Variants in CRB1 observed in about 807,000 individuals in gnomAD.
CRB1 encodes the protein protein crumbs homolog 1.
In CRB1, 83 loss-of-function variants were observed where a neutral mutation model predicts 120.0. The observed-to-expected ratio is 0.69, with a 90% CI of 0.58 to 0.83. The LOEUF (loss-of-function observed/expected upper bound fraction) is 0.83, where lower values mean the gene tolerates loss of function less well. Among genes scored for constraint, CRB1 ranks in the 40% least tolerant of loss-of-function variants. The probability of loss-of-function intolerance (pLI) is 0.00; values close to 1 mark genes in which losing one functional copy is unlikely to be tolerated. For missense variants in CRB1, 1,699 were observed against 1,687.6 expected, an observed-to-expected ratio of 1.01 and a Z score of -0.12; for synonymous variants, 625 against 612.5, an observed-to-expected ratio of 1.02 and a Z score of -0.30.
At chr1:197,457,936 G>GT (rs2125542823) in intron 11 of CRB1, among the ~76,000 whole-genome samples, 1 of 152,210 alleles carries the variant, frequency 6.6e-6, no homozygotes, top group South Asian at 2.1e-4. Flanking sequence ...TATTGATAGT[G>GT]TAAGTGCCAC....
chr1:197,453,851 A>G (rs1244750958), intron 11 of CRB1, among the ~76,000 whole-genome samples: 1 of 142,026 alleles, frequency 7.0e-6, no homozygotes, highest in African/African-American at 2.6e-5. Context: ...CAATATTATT[A>G]TTAATATATA....
At chr1:197,344,617 C>T in intron 3 of CRB1, 141 bp downstream of exon 3, 1 of 758,752 alleles carries the variant, frequency 1.3e-6, no homozygotes. Context: ...TGAAAACATT[C>T]AGATTTCACT....
chr1:197,272,354 G>A (rs1654954199), intron 1 of CRB1, among the ~76,000 whole-genome samples: 2 of 152,108 alleles, frequency 1.3e-5, no homozygotes. Flanking sequence ...ACTACTCCAT[G>A]AAAGTTACCC....
chr1:197,362,200 A>G (rs993801704), intron 5 of CRB1, among the ~76,000 whole-genome samples: 7 of 152,098 alleles, frequency 4.6e-5, no homozygotes, highest in Non-Finnish European at 1.0e-4. Context: ...TGATTAGAGA[A>G]CACATTCTGT....
chr1:197,209,361 T>TTTTC, the CRB1 span, among the ~76,000 whole-genome samples: 1 of 152,044 alleles, frequency 6.6e-6, no homozygotes, highest in African/African-American at 2.4e-5. Flanking sequence ...TTTTGTTTTT[T>TTTTC]TGAGATGGAG....
chr1:197,449,395 C>G (rs1252886793), intron 11 of CRB1, among the ~76,000 whole-genome samples: 1 of 152,158 alleles, frequency 6.6e-6, no homozygotes, highest in Admixed American at 6.5e-5. Context: ...GAGATGGAGT[C>G]TCGCACTGTC....
the CRB1 span, among the ~76,000 whole-genome samples, chr1:197,211,515 C>T: frequency 6.6e-6 from 1 of 152,154 alleles, no homozygotes; most frequent in Non-Finnish European, 1.5e-5. Context: ...GAGGTGAATA[C>T]ACCACATGAA....
chr1:197,391,852 G>A (rs1396547665), intron 5 of CRB1, among the ~76,000 whole-genome samples: 1 of 152,046 alleles, frequency 6.6e-6, no homozygotes, highest in African/African-American at 2.4e-5. Flanking sequence ...GTAATATACA[G>A]CAGGGTGACA....
At chr1:197,228,930 CAT>C in the CRB1 span, among the ~76,000 whole-genome samples, 17 of 152,082 alleles carry the variant, frequency 1.1e-4, no homozygotes, top group Non-Finnish European at 1.5e-4. Flanking sequence ...CTGATAAAAC[CAT>C]CAGATCTTGT....
Position 197,435,314 on chromosome 1 carries a change from G to T in CRB1, c.3451G>T (p.Gly1151Ter), listed in dbSNP as rs1558138741. 1 of 1,613,790 alleles carries T rather than the reference G, an allele frequency of 6.2e-7. No individual in the cohort carries two copies. Among genetic ancestry groups the T allele is most frequent in the Admixed American group, 1.7e-5 (1 of 59,940 alleles). ...NVCNSNPCLH[G>*]GNCEDIYSSY... ...CTGCAACTCCAACCCCTGTTTGCAT[G>T]GAGGAAACTGTGAAGACATCTATAG... is the stretch of plus-strand genomic sequence containing the variant. The change falls in exon 9 of 12, where the codon GGA becomes TGA. Residue 1151 changes from glycine (G) to a stop codon, truncating the protein, a stop_gained. Coordinates refer to ENST00000367400, the MANE Select transcript of CRB1 (RefSeq NM_201253.3). LOFTEE classifies it high-confidence loss of function.
intron 1 of CRB1, among the ~76,000 whole-genome samples, chr1:197,292,472 C>G (rs931418751): frequency 6.6e-6 from 1 of 152,030 alleles, no homozygotes; most frequent in East Asian, 1.9e-4. Flanking sequence ...CCGAATTCTA[C>G]CAGAGGTACA....
chr1:197,231,608 G>A, the CRB1 span, among the ~76,000 whole-genome samples: 3 of 152,168 alleles, frequency 2.0e-5, no homozygotes, highest in East Asian at 1.9e-4. Context: ...CACAATAAGC[G>A]ATGTAGAAAA....
the CRB1 span, among the ~76,000 whole-genome samples, chr1:197,218,010 A>T: frequency 3.3e-5 from 5 of 152,200 alleles, no homozygotes; most frequent in Non-Finnish European, 2.9e-5. Context: ...TAGTGGGGTG[A>T]TGTAAGATTT....
At chr1:197,209,377 C>G in the CRB1 span, among the ~76,000 whole-genome samples, 2 of 152,066 alleles carry the variant, frequency 1.3e-5, no homozygotes, top group South Asian at 4.1e-4. Flanking sequence ...TGGAGTCTCG[C>G]TCTGTTGCCC....
chr1:197,344,346 C>G lies in CRB1; in HGVS notation c.718C>G (p.Gln240Glu). 6.2e-7 allele frequency: 1 copy of G among 1,614,102 alleles called. No homozygotes were observed. Among genetic ancestry groups the G allele is most frequent in the Non-Finnish European group, 8.5e-7 (1 of 1,180,004 alleles). The stretch of plus-strand genomic sequence containing the variant: ...GCCTTGTTTAAATGGTGCAACTTGT[C>G]AGGATGCTCTGGGGGCCTATTTCTG... ...SQPCLNGATCQDALGAYFCDC... is the reference protein window; with the variant it reads ...SQPCLNGATCEDALGAYFCDC... Residue 240 changes from glutamine to glutamate, a missense_variant, in exon 3 of 12, where the codon CAG becomes GAG. Physicochemically the swap from Gln to Glu is conservative, Grantham distance 29. Transcript: ENST00000367400.
Position 197,344,633 on chromosome 1 carries a change from G to C in CRB1, c.848+157G>C, listed in dbSNP as rs566575925. Reference sequence around the variant, plus strand: ...GAAAACATTCAGATTTCACTAAAAAGGGTATTCTTGGAGACCATCTGTCTC... The same window carrying C: ...GAAAACATTCAGATTTCACTAAAAACGGTATTCTTGGAGACCATCTGTCTC... On this transcript the variant is annotated intron_variant, in intron 3 of 11. Transcript: ENST00000367400. Among the ~76,000 whole-genome samples the C allele has an allele frequency of 3.9e-5, 6 of 152,270 alleles. No homozygotes were observed. The South Asian group carries it at 1.2e-3, about 32-fold the overall frequency.
At position 197,442,202 on chromosome 1, in the gene CRB1, G is replaced by C. The variant is rs541488801; in HGVS notation, c.3915G>C (p.Pro1305=). 1.9e-6 allele frequency: 3 copies of C among 1,613,798 alleles called. No individual in the cohort carries two copies. Among genetic ancestry groups the C allele is most frequent in the Middle Eastern group, 1.6e-4 (1 of 6,062 alleles). Residue 1305 remains proline, a synonymous_variant, in exon 11 of 12, where the codon CCG becomes CCC. Coordinates refer to ENST00000367400, the MANE Select transcript of CRB1 (RefSeq NM_201253.3). Reference sequence around the variant, plus strand: ...ACATTGATGAGTGTGCCTCTGATCCGTGTGTCAATGGAGGTCTGTGCCAGG... The same window carrying C: ...ACATTGATGAGTGTGCCTCTGATCCCTGTGTCAATGGAGGTCTGTGCCAGG... The part of the protein sequence containing the change: ...EKDIDECASD[P]CVNGGLCQDL...
At chr1:197,275,263 G>T (rs375106370) in intron 1 of CRB1, among the ~76,000 whole-genome samples, 3 of 151,966 alleles carry the variant, frequency 2.0e-5, no homozygotes, top group South Asian at 2.1e-4. Context: ...GGTACTGAGG[G>T]TTAGGACTCT....
At position 197,298,065 on chromosome 1, in the gene CRB1, G is replaced by A. The variant is rs555952971; in HGVS notation, c.70+29583G>A. Among the ~76,000 whole-genome samples, 3 of 152,150 alleles carry A rather than the reference G, an allele frequency of 2.0e-5. No homozygotes were observed. In the East Asian group the frequency reaches 5.8e-4, roughly 30 times the overall value. ...TAAAGAGGGGAAGGCAGATACTACA[G>A]GAGCCATAGGGAAATAAAGGAGAGA... On this transcript the variant is annotated intron_variant, in intron 1 of 11. Transcript: ENST00000367400.
Sources: gnomAD v4.1 joint callset for allele counts (sites outside exome capture counted in the v4.1 genomes callset) on GRCh38, gnomAD v4.1.1 for gene constraint, MANE v1.5 for transcripts, NCBI Gene and HGNC (gene_info 2026-07-23, HGNC 2026-07-21) for gene names.